ADGRV1: variants seen among roughly 807,000 people sequenced by gnomAD.
ADGRV1 encodes adhesion G protein-coupled receptor V1.
In ADGRV1, 359 loss-of-function variants were observed where a neutral mutation model predicts 596.2. The ratio of observed to expected loss-of-function variants is 0.60; its 90% CI spans 0.55 to 0.66. The LOEUF (loss-of-function observed/expected upper bound fraction) is 0.66. Among genes scored for constraint, ADGRV1 ranks in the 30% least tolerant of loss-of-function variants. The probability of loss-of-function intolerance (pLI) is 0.00; values close to 1 mark genes in which losing one functional copy is unlikely to be tolerated. For synonymous variants in ADGRV1, 2,681 were observed against 2,679.2 expected (o/e 1.00, Z -0.02); for missense variants, 7,274 against 7,575.6 (o/e 0.96, Z 1.48).
At chr5:91,152,100 A>C (rs1042685201) in intron 88 of ADGRV1, among the ~76,000 whole-genome samples, 4 of 152,186 alleles carry the variant, frequency 2.6e-5, no homozygotes, top group Non-Finnish European at 5.9e-5. Flanking sequence ...GGTGTTGTGC[A>C]ACAGGAGAGC....
chr5:90,683,960 C>G lies in ADGRV1; in HGVS notation c.6039C>G (p.Val2013=). 6.2e-7 allele frequency: 1 copy of G among 1,613,864 alleles called. No homozygotes were observed. The highest frequency in any genetic ancestry group is 8.5e-7 in the Non-Finnish European group (1 of 1,179,866). ...AAGGCCTCATGGGAAAAGTCCTTGT[C>G]TCATATGCAACACTAGATGATATGG... ...RLKGLMGKVL[V]SYATLDDMEK... is the part of the protein sequence containing the mutation. The change falls in exon 28 of 90, where the codon GTC becomes GTG. Residue 2013 remains valine, a synonymous_variant. Transcript: ENST00000405460.
At chr5:91,028,695 T>C (rs1175623474) in intron 85 of ADGRV1, among the ~76,000 whole-genome samples, 2 of 151,264 alleles carry the variant, frequency 1.3e-5, no homozygotes, top group Non-Finnish European at 2.9e-5. Flanking sequence ...ACACCCAACA[T>C]GTCTGAGCCA....
Position 90,627,393 on chromosome 5 carries a change from T to C in ADGRV1, c.855T>C (p.Arg285=), listed in dbSNP as rs1764905062. Residue 285 remains arginine, a synonymous_variant, in exon 7 of 90, where the codon CGT becomes CGC. Coordinates refer to ENST00000405460, the MANE Select transcript of ADGRV1 (RefSeq NM_032119.4). ...EDHILIIPVV[R]GKDNNGNLIG... is the part of the protein sequence containing the mutation. ...ACATACTCATAATTCCAGTAGTTCG[T>C]GGAAAGGACAACAATGGAAATCTGA... 1 of 1,613,786 alleles carries C rather than the reference T, an allele frequency of 6.2e-7. No homozygotes were observed. The highest frequency in any genetic ancestry group is 8.5e-7 in the Non-Finnish European group (1 of 1,179,850).
chr5:90,680,247 G>A (rs1351731913), intron 26 of ADGRV1, among the ~76,000 whole-genome samples: 1 of 152,008 alleles, frequency 6.6e-6, no homozygotes, highest in Non-Finnish European at 1.5e-5. Flanking sequence ...CTATTCAGGA[G>A]GCTGAGGCAA....
chr5:90,968,694 A>T (rs1271604053), intron 84 of ADGRV1, among the ~76,000 whole-genome samples: 1 of 150,370 alleles, frequency 6.7e-6, no homozygotes, highest in East Asian at 1.9e-4. Context: ...TTTATAAAAC[A>T]GTGACTGCTG....
chr5:91,138,836 A>G (rs992910587), intron 87 of ADGRV1, among the ~76,000 whole-genome samples: 1 of 149,852 alleles, frequency 6.7e-6, no homozygotes, highest in Non-Finnish European at 1.5e-5. Flanking sequence ...CAGTGGCACC[A>G]TCTCGGCTCA....
intron 87 of ADGRV1, among the ~76,000 whole-genome samples, chr5:91,146,452 G>A (rs905077214): frequency 2.6e-5 from 4 of 152,142 alleles, no homozygotes; most frequent in African/African-American, 7.2e-5. Flanking sequence ...GAATTTAAAG[G>A]GCCAGCAGCT....
intron 87 of ADGRV1, among the ~76,000 whole-genome samples, chr5:91,132,212 T>G (rs936924969): frequency 1.3e-5 from 2 of 152,218 alleles, no homozygotes; most frequent in African/African-American, 2.4e-5. Context: ...TACTGGATTT[T>G]TTTCTGTATA....
At chr5:90,596,184 A>G (rs1760536464) in intron 1 of ADGRV1, among the ~76,000 whole-genome samples, 1 of 133,610 alleles carries the variant, frequency 7.5e-6, no homozygotes, top group African/African-American at 2.9e-5. Context: ...CCCACATCCC[A>G]GACGATGGGC....
In ADGRV1 at chr5:90,753,831, TA is replaced by T; in HGVS notation, c.11377+5del. The T allele has an allele frequency of 6.4e-7, 1 of 1,570,998 alleles. No individual in the cohort carries two copies. ...TCATTAGAGTAGCAGAGCCTAAAGG[TA>T]AATATTGTTAAATATCTTTCAAGTT... On this transcript the variant is annotated splice_donor_region_variant and intron_variant, in intron 54 of 89. Coordinates refer to ENST00000405460, the MANE Select transcript of ADGRV1 (RefSeq NM_032119.4).
At chr5:90,711,407 A>C in intron 41 of ADGRV1, 85 bp downstream of exon 41, 2 of 964,396 alleles carry the variant, frequency 2.1e-6, no homozygotes, top group Non-Finnish European at 2.9e-6. Context: ...TTTAGGTCCC[A>C]TATAAATAAA....
intron 83 of ADGRV1, among the ~76,000 whole-genome samples, chr5:90,951,770 A>G (rs1023608388): frequency 1.3e-5 from 2 of 152,218 alleles, no homozygotes; most frequent in Non-Finnish European, 1.5e-5. Flanking sequence ...ATCTTAGCCA[A>G]TATGCTCAGT....
intron 67 of ADGRV1, among the ~76,000 whole-genome samples, chr5:90,784,879 A>C (rs2460172): frequency 0.026 from 3,901 of 152,306 alleles, 147 homozygotes; most frequent in African/African-American, 0.088. Flanking sequence ...CATCCCCATC[A>C]AGCTACCAAT....
rs757249947 is a variant in ADGRV1, at chr5:90,647,710, G to A, written c.3235G>A (p.Asp1079Asn). The change falls in exon 17 of 90, where the codon GAT becomes AAT. Residue 1079 changes from aspartate to asparagine, a missense_variant. This residue lies in a region of ADGRV1 where 1,715 missense variants were observed against 1,708.8 expected (regional missense o/e 1.00). Coordinates refer to ENST00000405460, the MANE Select transcript of ADGRV1 (RefSeq NM_032119.4). ...GAGCATATCCATATTTGTTAATGAA[G>A]ATGGTATCCCGGAAACAGATGAGCC... ...QQSISIFVNE[D>N]GIPETDEPFY... The A allele has an allele frequency of 6.2e-7, 1 of 1,613,400 alleles. No homozygotes were observed. Among genetic ancestry groups the A allele is most frequent in the African/African-American group, 1.3e-5 (1 of 74,906 alleles).
At chr5:90,742,272 G>T (rs1042584428) in intron 50 of ADGRV1, among the ~76,000 whole-genome samples, 6 of 152,162 alleles carry the variant, frequency 3.9e-5, no homozygotes, top group Admixed American at 6.5e-5. Flanking sequence ...GAGAGGACTT[G>T]CCCTGGTCTA....
intron 1 of ADGRV1, among the ~76,000 whole-genome samples, chr5:90,597,949 A>G (rs540507279): frequency 6.6e-6 from 1 of 152,336 alleles, no homozygotes; most frequent in Non-Finnish European, 1.5e-5. Context: ...ACAAAAGTTT[A>G]AGGGTGGACA....
intron 1 of ADGRV1, among the ~76,000 whole-genome samples, chr5:90,572,754 C>G (rs188543324): frequency 6.6e-6 from 1 of 151,934 alleles, no homozygotes; most frequent in Non-Finnish European, 1.5e-5. Context: ...CCGTAGGATA[C>G]GTGTTTTGGG....
chr5:91,036,590 C>T (rs532343979), intron 85 of ADGRV1, among the ~76,000 whole-genome samples: 13 of 150,014 alleles, frequency 8.7e-5, no homozygotes, highest in African/African-American at 3.2e-4. Flanking sequence ...GCCAGGCCTG[C>T]GGGTGAGCGC....
Position 91,104,098 on chromosome 5 carries a change from A to AT in ADGRV1, c.18432+1767dup, listed in dbSNP as rs979945120. On this transcript the variant is annotated intron_variant, in intron 87 of 89. Coordinates refer to ENST00000405460, the MANE Select transcript of ADGRV1 (RefSeq NM_032119.4). ...CTAATTTTTTTAATTTTGTCAATTA[A>AT]TTTTTTTTTCATTTTGAATGGGATG... 2.4e-4 allele frequency among the ~76,000 whole-genome samples: 36 copies of AT among 151,302 alleles called. 1 individual carries two copies. Among genetic ancestry groups the AT allele is most frequent in the Non-Finnish European group, 1.0e-4 (7 of 67,790 alleles).
Sources: gnomAD v4.1 joint callset for allele counts (sites outside exome capture counted in the v4.1 genomes callset) on GRCh38, gnomAD v4.1.1 for gene constraint, gnomAD v4.1.1 regional missense constraint, MANE v1.5 for transcripts, NCBI Gene and HGNC (gene_info 2026-07-23, HGNC 2026-07-21) for gene names.